ANKIB1: variants seen among roughly 807,000 people sequenced by gnomAD.
The protein encoded by ANKIB1 is ankyrin repeat and IBR domain-containing protein 1.
ANKIB1 carries 43 observed loss-of-function variants against 122.1 expected under a neutral mutation model. The observed-to-expected ratio is 0.35, with a 90% CI of 0.28 to 0.45. The LOEUF (loss-of-function observed/expected upper bound fraction) is 0.45. Ranked by LOEUF, ANKIB1 falls within the 20% of genes least tolerant of loss-of-function variation. ANKIB1 has a pLI of 1.00. For synonymous variants in ANKIB1, 390 were observed against 442.0 expected, an observed-to-expected ratio of 0.88 and a Z score of 1.48; for missense variants, 992 against 1,329.5, an observed-to-expected ratio of 0.75 and a Z score of 3.95.
intron 17 of ANKIB1, 131 bp from the exon 18 acceptor site, chr7:92,396,234 C>A: frequency 1.6e-6 from 1 of 641,542 alleles, no homozygotes. Flanking sequence ...CCTGATGTTT[C>A]AGCCAAGTGA....
chr7:92,387,718 C>A, intron 12 of ANKIB1, 80 bp from the exon 13 acceptor site: 2 of 1,063,026 alleles, frequency 1.9e-6, no homozygotes, highest in South Asian at 1.6e-5. Flanking sequence ...ACTAATAAAA[C>A]TTTTAAATGA....
intron 7 of ANKIB1, among the ~76,000 whole-genome samples, chr7:92,346,668 A>G (rs1231794373): frequency 6.6e-6 from 1 of 152,180 alleles, no homozygotes; most frequent in Non-Finnish European, 1.5e-5. Context: ...CCCAGGTACA[A>G]CTTTATCTTA....
intron 10 of ANKIB1, among the ~76,000 whole-genome samples, chr7:92,369,581 TG>T (rs1390458489): frequency 6.6e-6 from 1 of 152,136 alleles, no homozygotes; most frequent in Non-Finnish European, 1.5e-5. Context: ...ATCTAGGGGT[TG>T]GGTAACTTTT....
intron 19 of ANKIB1, 31 bp downstream of exon 19, chr7:92,397,890 G>A (rs1031617439): frequency 3.2e-6 from 5 of 1,584,920 alleles, no homozygotes; most frequent in Non-Finnish European, 4.3e-6. Flanking sequence ...CATTGCCTGT[G>A]CTTTTACTCT....
chr7:92,393,087 G>A (rs1804820069), intron 17 of ANKIB1, among the ~76,000 whole-genome samples: 1 of 152,020 alleles, frequency 6.6e-6, no homozygotes, highest in African/African-American at 2.4e-5. Context: ...GAAGGGTACA[G>A]AACAAATGAG....
At chr7:92,286,479 ATTT>A (rs34483972) in intron 1 of ANKIB1, among the ~76,000 whole-genome samples, 10 of 134,274 alleles carry the variant, frequency 7.4e-5, no homozygotes, top group Non-Finnish European at 6.5e-5. Context: ...TATTATCCGT[ATTT>A]TTTTTTTTTT....
chr7:92,246,627 T>C, intron 1 of ANKIB1, 108 bp downstream of exon 1: 1 of 458,496 alleles, frequency 2.2e-6, no homozygotes, highest in Non-Finnish European at 4.4e-6. Flanking sequence ...ACTAGGAGTG[T>C]GTCTGTCGCC....
intron 10 of ANKIB1, among the ~76,000 whole-genome samples, chr7:92,369,840 C>T (rs941913199): frequency 2.0e-5 from 3 of 152,144 alleles, no homozygotes; most frequent in African/African-American, 7.2e-5. Flanking sequence ...GACATTCTTG[C>T]AGGAAAAAAA....
chr7:92,305,513 C>A lies in ANKIB1; in HGVS notation c.189-1846C>A, dbSNP rs147943269. On this transcript the variant is annotated intron_variant, in intron 2 of 19. Coordinates refer to ENST00000265742, the MANE Select transcript of ANKIB1 (RefSeq NM_019004.2). ...CTATAAACTATTTGGGAGAAGGGAA[C>A]AGACAGGTAAAAAAGTATGATAAAA... Among the ~76,000 whole-genome samples the A allele has an allele frequency of 2.6e-5, 4 of 152,080 alleles. 1 individual carries two copies. Among genetic ancestry groups the A allele is most frequent in the African/African-American group, 9.7e-5 (4 of 41,392 alleles).
At chr7:92,266,393 T>C (rs1801672297) in intron 1 of ANKIB1, among the ~76,000 whole-genome samples, 1 of 152,172 alleles carries the variant, frequency 6.6e-6, no homozygotes, top group Admixed American at 6.5e-5. Context: ...TGTATATATA[T>C]GTAGCAGATA....
intron 17 of ANKIB1, among the ~76,000 whole-genome samples, chr7:92,394,056 G>GT (rs1422427779): frequency 6.6e-6 from 1 of 152,086 alleles, no homozygotes; most frequent in East Asian, 1.9e-4. Flanking sequence ...GTGCAGCTCA[G>GT]TGGAAATAGC....
At chr7:92,365,178 T>C (rs537898299) in intron 10 of ANKIB1, among the ~76,000 whole-genome samples, 1 of 152,338 alleles carries the variant, frequency 6.6e-6, no homozygotes, top group African/African-American at 2.4e-5. Context: ...GAGAGGCAAC[T>C]GTATACAAAA....
chr7:92,385,757 G>A (rs548755449), intron 11 of ANKIB1, among the ~76,000 whole-genome samples: 1 of 152,280 alleles, frequency 6.6e-6, no homozygotes, highest in South Asian at 2.1e-4. Context: ...GGGAAGGATA[G>A]CATTAGGAGA....
chr7:92,336,274 G>A (rs1460348903), intron 5 of ANKIB1, among the ~76,000 whole-genome samples: 4 of 151,710 alleles, frequency 2.6e-5, no homozygotes, highest in Admixed American at 6.6e-5. Flanking sequence ...AGCCAACACA[G>A]TAAAAATTTT....
At chr7:92,354,399 T>G (rs1340250365) in intron 9 of ANKIB1, among the ~76,000 whole-genome samples, 3 of 152,072 alleles carry the variant, frequency 2.0e-5, no homozygotes, top group Non-Finnish European at 4.4e-5. Flanking sequence ...CACATGTGAG[T>G]CCATGTGAAT....
rs375061708 is a variant in ANKIB1, at chr7:92,327,408, T to C, written c.670-375T>C. Among the ~76,000 whole-genome samples the C allele has an allele frequency of 3.2e-4, 48 of 152,324 alleles. 1 individual carries two copies. The highest frequency in any genetic ancestry group is 9.9e-4 in the African/African-American group (41 of 41,570). ...CCTTGGGGATTGGTTTCAGGACCCT[T>C]GTGGATACCAAAACCCACAGATACT... On this transcript the variant is annotated intron_variant, in intron 4 of 19. Transcript: ENST00000265742.
intron 1 of ANKIB1, among the ~76,000 whole-genome samples, chr7:92,251,210 A>G (rs533662987): frequency 6.6e-6 from 1 of 152,324 alleles, no homozygotes; most frequent in African/African-American, 2.4e-5. Context: ...TGCTGGGTCT[A>G]CAAAGATGAG....
chr7:92,322,324 T>C (rs978772580), intron 4 of ANKIB1, among the ~76,000 whole-genome samples: 1 of 152,092 alleles, frequency 6.6e-6, no homozygotes, highest in African/African-American at 2.4e-5. Flanking sequence ...TTAATATAAC[T>C]AATATTATGT....
intron 2 of ANKIB1, among the ~76,000 whole-genome samples, chr7:92,301,934 T>C (rs796152379): frequency 1.8e-4 from 27 of 152,140 alleles, no homozygotes; most frequent in African/African-American, 6.0e-4. Context: ...TTGGCTAGAT[T>C]CCTTTTTTCT....
Sources: gnomAD v4.1 joint callset for allele counts (sites outside exome capture counted in the v4.1 genomes callset) on GRCh38, gnomAD v4.1.1 for gene constraint, MANE v1.5 for transcripts, NCBI Gene and HGNC (gene_info 2026-07-23, HGNC 2026-07-21) for gene names.